CYP2C19: variants seen among roughly 807,000 people sequenced by gnomAD.
The protein encoded by CYP2C19 is cytochrome P450 2C19.
A neutral mutation model predicts 40.9 loss-of-function variants in CYP2C19; 59 were observed. The observed-to-expected ratio is 1.44, with a 90% CI of 1.17 to 1.79. CYP2C19 has a LOEUF of 1.79. Ranked by LOEUF, CYP2C19 falls within the 40% of genes most tolerant of loss-of-function variation. CYP2C19 has a pLI of 0.00. For synonymous variants in CYP2C19, 253 were observed against 208.7 expected (o/e 1.21, Z -1.83); for missense variants, 754 against 596.9 (o/e 1.26, Z -2.74).
Position 94,854,824 on chromosome 10 carries a change from G to T in CYP2C19, c.*1910G>T, listed in dbSNP as rs148074406. ...AACCTCTAAGGTGATAGAAACATAG[G>T]CAAATAATTCAGAGAGTTAATAGAA... On this transcript the variant is annotated 3_prime_UTR_variant, in exon 9 of 9. Transcript: ENST00000371321. Among the ~76,000 whole-genome samples, 1 of 152,066 alleles carries T rather than the reference G, an allele frequency of 6.6e-6. No homozygotes were observed. Among genetic ancestry groups the T allele is most frequent in the African/African-American group, 2.4e-5 (1 of 41,390 alleles).
intron 5 of CYP2C19, among the ~76,000 whole-genome samples, chr10:94,817,146 A>T (rs1253134821): frequency 7.0e-6 from 1 of 143,354 alleles, no homozygotes; most frequent in South Asian, 2.4e-4. Flanking sequence ...TCCCTGAGGA[A>T]TCGCCACACT....
At chr10:94,814,397 A>C (rs1351923565) in intron 5 of CYP2C19, among the ~76,000 whole-genome samples, 5 of 151,872 alleles carry the variant, frequency 3.3e-5, no homozygotes, top group Admixed American at 1.3e-4. Flanking sequence ...CCCTGAATTT[A>C]TGTCTATGCA....
At position 94,780,518 on chromosome 10, in the gene CYP2C19, T is replaced by C. The variant is rs912871322; in HGVS notation, c.501T>C (p.Thr167=). 1 of 1,613,740 alleles carries C rather than the reference T, an allele frequency of 6.2e-7. No individual in the cohort carries two copies. The highest frequency in any genetic ancestry group is 8.5e-7 in the Non-Finnish European group (1 of 1,179,914). The change falls in exon 4 of 9, where the codon ACT becomes ACC. Residue 167 remains threonine (T), a synonymous_variant. Transcript: ENST00000371321. ...ATTTAGCTTCACCCTGTGATCCCAC[T>C]TTCATCCTGGGCTGTGCTCCCTGCA... ...RKTKASPCDP[T]FILGCAPCNV... is the part of the protein sequence containing the mutation.
chr10:94,764,928 T>C (rs1848220232), intron 1 of CYP2C19, among the ~76,000 whole-genome samples: 1 of 152,158 alleles, frequency 6.6e-6, no homozygotes, highest in Non-Finnish European at 1.5e-5. Flanking sequence ...AGCCATTTCC[T>C]GTAAACACTG....
chr10:94,796,079 A>G (rs1052785745), intron 5 of CYP2C19, among the ~76,000 whole-genome samples: 7 of 152,090 alleles, frequency 4.6e-5, no homozygotes, highest in Non-Finnish European at 1.0e-4. Flanking sequence ...TGCCCATGCC[A>G]ATGTCCTGAA....
chr10:94,821,214 G>C (rs533047780), intron 6 of CYP2C19, among the ~76,000 whole-genome samples: 23 of 152,304 alleles, frequency 1.5e-4, no homozygotes, highest in African/African-American at 4.8e-4. Flanking sequence ...AGTGTGTCTG[G>C]ATTTCATCGA....
rs142519224 is a variant in CYP2C19, at chr10:94,854,178, C to G, written c.*1264C>G. Among the ~76,000 whole-genome samples, 1,253 of 151,996 alleles carry G rather than the reference C, an allele frequency of 8.2e-3. 22 individuals are homozygous for G. The highest frequency in any genetic ancestry group is 0.06 in the East Asian group (309 of 5,136). ...GGATTACAGGTGCCTACCACCACAC[C>G]AGGCTAATTTTTGTATTTTTAGTAG... On this transcript the variant is annotated 3_prime_UTR_variant, in exon 9 of 9. Transcript: ENST00000371321.
chr10:94,852,794 C>T lies in CYP2C19; in HGVS notation c.1353C>T (p.Phe451=). 6.2e-7 allele frequency: 1 copy of T among 1,614,074 alleles called. No homozygotes were observed. The highest frequency in any genetic ancestry group is 1.1e-5 in the South Asian group (1 of 91,078). Residue 451 remains phenylalanine, a synonymous_variant, in exon 9 of 9, where the codon TTC becomes TTT. Transcript: ENST00000371321. ...ARMELFLFLT[F]ILQNFNLKSL... ...TGGAGCTGTTTTTATTCCTGACCTT[C>T]ATTTTACAGAACTTTAACCTGAAAT...
At chr10:94,817,749 C>A (rs1156790148) in intron 5 of CYP2C19, among the ~76,000 whole-genome samples, 1 of 152,004 alleles carries the variant, frequency 6.6e-6, no homozygotes, top group African/African-American at 2.4e-5. Context: ...TGCGGTGGCT[C>A]ACACCTGTAA....
At chr10:94,836,709 A>G (rs1849408927) in intron 6 of CYP2C19, among the ~76,000 whole-genome samples, 1 of 152,174 alleles carries the variant, frequency 6.6e-6, no homozygotes. Context: ...GTGCCTTTGG[A>G]TAATTTTAGC....
At position 94,775,216 on chromosome 10, in the gene CYP2C19, A is replaced by C. The variant is rs761894050; in HGVS notation, c.327A>C (p.Gly109=). The stretch of plus-strand genomic sequence containing the variant: ...CACTGGCTGAAAGAGCTAACAGAGG[A>C]TTTGGTAGGTGTGCAAGTGCCTGTT... ...HFPLAERANR[G]FGIVFSNGKR... is the part of the protein sequence containing the mutation. Residue 109 remains glycine (G), a synonymous_variant, in exon 2 of 9, where the codon GGA becomes GGC. Coordinates refer to ENST00000371321, the MANE Select transcript of CYP2C19 (RefSeq NM_000769.4). 1.2e-6 allele frequency: 2 copies of C among 1,613,968 alleles called. No homozygotes were observed. The highest frequency in any genetic ancestry group is 1.7e-6 in the Non-Finnish European group (2 of 1,180,002).
At chr10:94,843,279 A>G (rs779519239) in intron 7 of CYP2C19, among the ~76,000 whole-genome samples, 7 of 152,198 alleles carry the variant, frequency 4.6e-5, no homozygotes, top group Non-Finnish European at 1.0e-4. Flanking sequence ...TTATATTTCC[A>G]GACAAATTTT....
chr10:94,846,949 C>T (rs1849581006), intron 7 of CYP2C19, among the ~76,000 whole-genome samples: 1 of 152,108 alleles, frequency 6.6e-6, no homozygotes, highest in African/African-American at 2.4e-5. Flanking sequence ...TGTGACTATA[C>T]TTGTTACCAT....
Position 94,775,430 on chromosome 10 carries a change from G to T in CYP2C19, c.372G>T (p.Arg124=). ...ATGGAAAGAGATGGAAGGAGATCCGGCGTTTCTCCCTCATGACGCTGCGGA... is the reference window on the plus strand; with the variant it reads ...ATGGAAAGAGATGGAAGGAGATCCGTCGTTTCTCCCTCATGACGCTGCGGA... ...FSNGKRWKEI[R]RFSLMTLRNF... is the part of the protein sequence containing the mutation. Residue 124 remains arginine, a synonymous_variant, in exon 3 of 9, where the codon CGG becomes CGT. Coordinates refer to ENST00000371321, the MANE Select transcript of CYP2C19 (RefSeq NM_000769.4). The T allele has an allele frequency of 6.2e-7, 1 of 1,614,086 alleles. No individual in the cohort carries two copies. The highest frequency in any genetic ancestry group is 8.5e-7 in the Non-Finnish European group (1 of 1,180,022).
At chr10:94,829,898 G>C (rs947205734) in intron 6 of CYP2C19, among the ~76,000 whole-genome samples, 2 of 152,112 alleles carry the variant, frequency 1.3e-5, no homozygotes, top group Non-Finnish European at 2.9e-5. Context: ...CTGCAGGTCT[G>C]TTGGAATAAC....
At chr10:94,839,593 G>T (rs376840296) in intron 6 of CYP2C19, among the ~76,000 whole-genome samples, 1 of 152,208 alleles carries the variant, frequency 6.6e-6, no homozygotes. Context: ...TTCAGAGAGG[G>T]TGTATTGAAT....
Position 94,820,638 on chromosome 10 carries a change from G to A in CYP2C19, c.961+1G>A, listed in dbSNP as rs200506574. ...CTGCTGAAGCACCCAGAGGTCACAG[G>A]TATGATCACAGAGGATGAGTTAATT... On this transcript the variant is annotated splice_donor_variant, in intron 6 of 8. Coordinates refer to ENST00000371321, the MANE Select transcript of CYP2C19 (RefSeq NM_000769.4). LOFTEE classifies it high-confidence loss of function. 2.8e-5 allele frequency: 45 copies of A among 1,614,054 alleles called. No homozygotes were observed. Among genetic ancestry groups the A allele is most frequent in the Non-Finnish European group, 3.6e-5 (43 of 1,180,030 alleles).
chr10:94,847,765 C>T lies in CYP2C19; in HGVS notation c.1150-2152C>T, dbSNP rs574785581. Among the ~76,000 whole-genome samples the T allele has an allele frequency of 3.3e-4, 50 of 152,234 alleles. No homozygotes were observed. In the East Asian group the frequency reaches 8.5e-3, roughly 26 times the overall value. Reference sequence around the variant, plus strand: ...TTGTTTCCTGACTTTTTAATGATCGCCATTCTAACTGGTGTGAGATGGTAT... The same window carrying T: ...TTGTTTCCTGACTTTTTAATGATCGTCATTCTAACTGGTGTGAGATGGTAT... On this transcript the variant is annotated intron_variant, in intron 7 of 8. Transcript: ENST00000371321.
At chr10:94,819,153 G>A (rs1344842854) in intron 5 of CYP2C19, among the ~76,000 whole-genome samples, 4 of 149,072 alleles carry the variant, frequency 2.7e-5, no homozygotes, top group Non-Finnish European at 4.5e-5. Flanking sequence ...GGTATATAAC[G>A]AAATGAAGGC....
Sources: allele counts gnomAD v4.1 joint callset (sites outside exome capture counted in the v4.1 genomes callset), GRCh38; gene constraint gnomAD v4.1.1; transcripts MANE v1.5; gene names NCBI Gene and HGNC (gene_info 2026-07-23, HGNC 2026-07-21).